MSR1: variants seen among roughly 807,000 people sequenced by gnomAD.
The protein encoded by MSR1 is macrophage scavenger receptor 1.
Under a neutral mutation model 47.2 loss-of-function variants are expected in MSR1, and 53 were observed. The observed-to-expected ratio is 1.12, with a 90% CI of 0.90 to 1.41. The LOEUF is 1.41. MSR1 is among the 40% of genes most tolerant of loss of function. MSR1 has a pLI of 0.00. For synonymous variants in MSR1, 239 were observed against 185.6 expected (o/e 1.29, Z -2.34); for missense variants, 786 against 546.9 (o/e 1.44, Z -4.36).
At chr8:16,174,180 T>G (rs1801571200) in intron 3 of MSR1, among the ~76,000 whole-genome samples, 1 of 152,196 alleles carries the variant, frequency 6.6e-6, no homozygotes, top group South Asian at 2.1e-4. Context: ...TAGTGGAATT[T>G]TTGCTCTGTC....
intron 1 of MSR1, among the ~76,000 whole-genome samples, chr8:16,188,435 T>C (rs2116943420): frequency 6.6e-6 from 1 of 152,274 alleles, no homozygotes; most frequent in Middle Eastern, 3.4e-3. Flanking sequence ...CATTTGGTAT[T>C]ACGCGTTTTC....
chr8:16,184,673 G>A (rs577326506), intron 1 of MSR1, among the ~76,000 whole-genome samples: 1 of 152,124 alleles, frequency 6.6e-6, no homozygotes, highest in Non-Finnish European at 1.5e-5. Context: ...TGCTTTGGCA[G>A]TAGTGACCTG....
rs62489582 is a variant in MSR1 at position 16,163,359 on chromosome 8, G to C, written c.817+706C>G. Among the ~76,000 whole-genome samples the C allele has an allele frequency of 4.6e-3, 689 of 151,394 alleles. 7 individuals carry two copies. Among genetic ancestry groups the C allele is most frequent in the Non-Finnish European group, 7.1e-3 (480 of 67,678 alleles). ...TTACAAGAGACTAACCTAAAACAAA[G>C]AATACCAACAGGCAAAAGGTTGCAA... On this transcript the variant is annotated intron_variant, in intron 5 of 9. Coordinates refer to ENST00000262101, the MANE Select transcript of MSR1 (RefSeq NM_138715.3).
At chr8:16,184,267 GTC>G (rs1443366487) in intron 1 of MSR1, among the ~76,000 whole-genome samples, 7 of 151,954 alleles carry the variant, frequency 4.6e-5, no homozygotes, top group African/African-American at 1.7e-4. Context: ...GTAACTTCCT[GTC>G]TCTCCCATTA....
At chr8:16,120,662 G>A in intron 8 of MSR1, 56 bp from the exon 9 acceptor site, 3 of 1,499,844 alleles carry the variant, frequency 2.0e-6, no homozygotes, top group Non-Finnish European at 2.6e-6. Context: ...GACTAATTAT[G>A]TACATACTGC....
At chr8:16,182,247 G>A (rs411980) in intron 1 of MSR1, among the ~76,000 whole-genome samples, 2,888 of 152,266 alleles carry the variant, frequency 0.019, 93 homozygotes, top group African/African-American at 0.066. Context: ...TTCTGCACCT[G>A]TACAGGGCAA....
At chr8:16,186,113 A>G (rs1398026537) in intron 1 of MSR1, 1 of 1,468,676 alleles carries the variant, frequency 6.8e-7, no homozygotes, top group Admixed American at 2.0e-5. Flanking sequence ...TAAATGTATA[A>G]AAATGAAAGT....
intron 8 of MSR1, chr8:16,139,271 C>A: frequency 1.0e-6 from 1 of 984,406 alleles, no homozygotes; most frequent in Non-Finnish European, 1.2e-6. Flanking sequence ...ATTATACCAG[C>A]GGGGAAAAGC....
intron 8 of MSR1, among the ~76,000 whole-genome samples, chr8:16,138,823 T>G (rs1465655351): frequency 6.6e-6 from 1 of 152,182 alleles, no homozygotes; most frequent in Non-Finnish European, 1.5e-5. Context: ...TCTGAACAAG[T>G]GGCTAATTCT....
At chr8:16,117,142 C>A (rs1364267947) in intron 9 of MSR1, among the ~76,000 whole-genome samples, 1 of 152,080 alleles carries the variant, frequency 6.6e-6, no homozygotes, top group Non-Finnish European at 1.5e-5. Context: ...GGTGAGTGAG[C>A]AAAGCTTCAT....
chr8:16,174,093 T>C (rs1025042103), intron 3 of MSR1, among the ~76,000 whole-genome samples: 9 of 152,190 alleles, frequency 5.9e-5, no homozygotes, highest in African/African-American at 2.2e-4. Context: ...TTTTCTTATG[T>C]GGATAATGAG....
chr8:16,140,681 T>G, intron 8 of MSR1: 2 of 1,296,006 alleles, frequency 1.5e-6, no homozygotes, highest in Non-Finnish European at 9.8e-7. Context: ...TCTAGGTCAA[T>G]GGGTGGCAGA....
At chr8:16,134,232 G>A (rs1184524540) in intron 8 of MSR1, among the ~76,000 whole-genome samples, 2 of 151,986 alleles carry the variant, frequency 1.3e-5, no homozygotes, top group African/African-American at 4.8e-5. Context: ...TCTGATAGGG[G>A]CTCTTTTTAA....
intron 8 of MSR1, among the ~76,000 whole-genome samples, chr8:16,142,238 G>C (rs568702558): frequency 1.3e-5 from 2 of 152,262 alleles, no homozygotes; most frequent in Admixed American, 1.3e-4. Flanking sequence ...TGAGGTGGGA[G>C]AAGAATCATT....
chr8:16,126,051 T>A (rs569274327), intron 8 of MSR1, among the ~76,000 whole-genome samples: 1 of 152,144 alleles, frequency 6.6e-6, no homozygotes, highest in African/African-American at 2.4e-5. Context: ...TTATTTCTTT[T>A]CTTTATTTTT....
intron 8 of MSR1, among the ~76,000 whole-genome samples, chr8:16,126,088 AC>A (rs1800121915): frequency 6.6e-6 from 1 of 152,152 alleles, no homozygotes; most frequent in Admixed American, 6.5e-5. Flanking sequence ...AAAGAAGGAA[AC>A]AACACATTCA....
chr8:16,120,482 G>T lies in MSR1; in HGVS notation c.1158C>A (p.Val386=). Residue 386 remains valine (V), a synonymous_variant, in exon 9 of 10, where the codon GTC becomes GTA. Coordinates refer to ENST00000262101, the MANE Select transcript of MSR1 (RefSeq NM_138715.3). ...DDRWEVRVGQ[V]VCRSLGYPGV... The stretch of plus-strand genomic sequence containing the variant: ...CTGGGTATCCCAAGCTCCTACAGAC[G>T]ACCTGTCCAACGCGCACTTCCCAGC... 1 of 1,613,778 alleles carries T rather than the reference G, an allele frequency of 6.2e-7. No individual in the cohort carries two copies. The highest frequency in any genetic ancestry group is 8.5e-7 in the Non-Finnish European group (1 of 1,179,886).
chr8:16,166,904 G>A (rs914696743), intron 4 of MSR1, among the ~76,000 whole-genome samples: 10 of 150,906 alleles, frequency 6.6e-5, no homozygotes, highest in East Asian at 4.0e-4. Context: ...GGGGATGAGC[G>A]TCCCAATGTT....
intron 7 of MSR1, among the ~76,000 whole-genome samples, chr8:16,145,834 A>AT (rs1283301196): frequency 2.6e-5 from 4 of 152,136 alleles, no homozygotes; most frequent in African/African-American, 9.6e-5. Flanking sequence ...ATGGAGAGGA[A>AT]TGTAGTGGTC....
Sources: gnomAD v4.1 joint callset for allele counts (sites outside exome capture counted in the v4.1 genomes callset) on GRCh38, gnomAD v4.1.1 for gene constraint, MANE v1.5 for transcripts, NCBI Gene and HGNC (gene_info 2026-07-23, HGNC 2026-07-21) for gene names.